The following PCDHA13 variants were observed in gnomAD, a reference collection of about 807,000 sequenced individuals.
PCDHA13 encodes protocadherin alpha-13.
PCDHA13 carries 54 observed loss-of-function variants against 64.8 expected under a neutral mutation model. The ratio of observed to expected loss-of-function variants is 0.83; its 90% CI spans 0.67 to 1.04. PCDHA13 has a LOEUF of 1.04. Ranked by LOEUF, PCDHA13 falls within the 50% of genes least tolerant of loss-of-function variation. PCDHA13 has a pLI of 0.00. For missense variants in PCDHA13, 1,248 were observed against 1,254.3 expected (o/e 0.99, Z 0.08); for synonymous variants, 587 against 564.4 (o/e 1.04, Z -0.57).
Position 140,927,102 on chromosome 5 carries a change from A to G in PCDHA13, c.2394+42440A>G, listed in dbSNP as rs144696843. 1.4e-5 allele frequency: 23 copies of G among 1,613,520 alleles called. No individual in the cohort carries two copies. In the African/African-American group the frequency reaches 1.7e-4, roughly 12 times the overall value. ...GCGAGCTCTACTTCGGGGTGGATCTACCCAGCGGCAATTTGGTGGTCAGAG... is the reference window on the plus strand; with the variant it reads ...GCGAGCTCTACTTCGGGGTGGATCTGCCCAGCGGCAATTTGGTGGTCAGAG... On this transcript the variant is annotated intron_variant, in intron 1 of 3. Transcript: ENST00000289272.
chr5:140,954,698 A>C (rs185399105), intron 1 of PCDHA13, among the ~76,000 whole-genome samples: 5 of 152,208 alleles, frequency 3.3e-5, no homozygotes, highest in African/African-American at 1.2e-4. Context: ...TAGACTACAA[A>C]ATTTTTCTCC....
At position 140,971,223 on chromosome 5, in the gene PCDHA13, C is replaced by T. The variant is rs904012820; in HGVS notation, c.2395-7726C>T. The stretch of plus-strand genomic sequence containing the variant: ...GACACTGTTACCCTCCCTCTCCTGA[C>T]TCAAAGCTTGGGGCAATTTGATACA... On this transcript the variant is annotated intron_variant, in intron 1 of 3. Transcript: ENST00000289272. Among the ~76,000 whole-genome samples, 3 of 152,148 alleles carry T rather than the reference C, an allele frequency of 2.0e-5. No homozygotes were observed. The South Asian group carries it at 6.2e-4, about 31-fold the overall frequency.
In PCDHA13 at chr5:140,882,291, G is replaced by A; in HGVS notation, c.23G>A (p.Gly8Asp). The change falls in exon 1 of 4, where the codon GGC becomes GAC. Residue 8 changes from glycine (G) to aspartate (D), a missense_variant. Gly to Asp is a moderately conservative substitution (Grantham distance 94). Transcript: ENST00000289272. Reference sequence around the variant, plus strand: ...ACCATGCTGTCTTCCTGGCAAGGAGGCCCAAGACCGCGGCAACTACTGCTC... The same window carrying A: ...ACCATGCTGTCTTCCTGGCAAGGAGACCCAAGACCGCGGCAACTACTGCTC... Reference protein sequence around the residue: MLSSWQGGPRPRQLLLWL... With the variant: MLSSWQGDPRPRQLLLWL... The A allele has an allele frequency of 6.2e-7, 1 of 1,613,650 alleles. No homozygotes were observed. Among genetic ancestry groups the A allele is most frequent in the Non-Finnish European group, 8.5e-7 (1 of 1,179,624 alleles).
intron 1 of PCDHA13, among the ~76,000 whole-genome samples, chr5:140,896,063 G>A (rs531616608): frequency 1.4e-3 from 217 of 152,130 alleles, no homozygotes; most frequent in African/African-American, 4.7e-3. Flanking sequence ...CGCCTGCCTC[G>A]GCCTCCCAAC....
chr5:140,889,434 G>T (rs1349291699), intron 1 of PCDHA13, among the ~76,000 whole-genome samples: 1 of 151,774 alleles, frequency 6.6e-6, no homozygotes, highest in African/African-American at 2.4e-5. Context: ...ATTTTTTCAG[G>T]TATTTTCCTG....
chr5:140,989,350 T>G (rs188962457), intron 3 of PCDHA13, among the ~76,000 whole-genome samples: 17 of 152,274 alleles, frequency 1.1e-4, no homozygotes, highest in African/African-American at 3.9e-4. Context: ...TCAAAGGTGA[T>G]AGGTCACCTG....
intron 1 of PCDHA13, among the ~76,000 whole-genome samples, chr5:140,896,543 T>C (rs2065615880): frequency 6.6e-6 from 1 of 151,466 alleles, no homozygotes; most frequent in Non-Finnish European, 1.5e-5. Flanking sequence ...TTTCTTTTTT[T>C]TTTTTGTATT....
At chr5:140,996,036 C>T (rs1324761666) in intron 3 of PCDHA13, among the ~76,000 whole-genome samples, 1 of 152,190 alleles carries the variant, frequency 6.6e-6, no homozygotes, top group Non-Finnish European at 1.5e-5. Context: ...GCTCCTAGCA[C>T]TTAACACAGT....
intron 1 of PCDHA13, chr5:140,968,816 G>A: frequency 6.2e-7 from 1 of 1,614,144 alleles, no homozygotes. Context: ...GGTGGATAGG[G>A]TTTCCAAAAT....
At chr5:140,889,240 T>C (rs782266675) in intron 1 of PCDHA13, among the ~76,000 whole-genome samples, 4 of 151,692 alleles carry the variant, frequency 2.6e-5, no homozygotes, top group Non-Finnish European at 4.4e-5. Context: ...TTCCAGAAAA[T>C]TTTCTGTTTC....
At chr5:140,935,134 T>G (rs1358918679) in intron 1 of PCDHA13, among the ~76,000 whole-genome samples, 1 of 152,210 alleles carries the variant, frequency 6.6e-6, no homozygotes. Context: ...TAGTGAAAGA[T>G]GATACTTAGA....
At position 140,982,508 on chromosome 5, in the gene PCDHA13, G is replaced by A. The variant is rs1586930589; in HGVS notation, c.2487G>A (p.Arg829=). The change falls in exon 3 of 4, where the codon CGG becomes CGA. Residue 829 remains arginine, a synonymous_variant. Transcript: ENST00000289272. The part of the protein sequence containing the change: ...SVHLEEAGIL[R]AGPGGPDQQW... The stretch of plus-strand genomic sequence containing the variant: ...ACCTAGAGGAGGCTGGCATTCTACG[G>A]GCTGGTCCAGGAGGGCCTGATCAGC... The A allele has an allele frequency of 6.2e-7, 1 of 1,614,154 alleles. No individual in the cohort carries two copies. Among genetic ancestry groups the A allele is most frequent in the Non-Finnish European group, 8.5e-7 (1 of 1,180,018 alleles).
intron 1 of PCDHA13, among the ~76,000 whole-genome samples, chr5:140,897,728 A>G (rs1554187548): frequency 6.6e-6 from 1 of 152,092 alleles, no homozygotes; most frequent in Non-Finnish European, 1.5e-5. Flanking sequence ...TGGGTCAAAT[A>G]GTATTTCTAG....
At chr5:140,977,978 G>A (rs1401757319) in intron 1 of PCDHA13, among the ~76,000 whole-genome samples, 2 of 152,048 alleles carry the variant, frequency 1.3e-5, no homozygotes, top group Non-Finnish European at 2.9e-5. Flanking sequence ...CCATGAAAAC[G>A]CATCTAGAGG....
At chr5:140,891,722 T>C (rs534881594) in intron 1 of PCDHA13, among the ~76,000 whole-genome samples, 1 of 152,292 alleles carries the variant, frequency 6.6e-6, no homozygotes, top group East Asian at 1.9e-4. Flanking sequence ...CAAATTCATG[T>C]GTTGAAAATT....
Position 140,882,225 on chromosome 5 carries a change from C to T in PCDHA13, c.-44C>T, listed in dbSNP as rs782533520. On this transcript the variant is annotated 5_prime_UTR_variant, in exon 1 of 4. Transcript: ENST00000289272. ...CCTTGAGAGACAGTTTGAGGTAAGGCGTTGTATATATTGCAGATAGCTCTG... is the reference window on the plus strand; with the variant it reads ...CCTTGAGAGACAGTTTGAGGTAAGGTGTTGTATATATTGCAGATAGCTCTG... 5.8e-6 allele frequency: 9 copies of T among 1,559,344 alleles called. No homozygotes were observed. The highest frequency in any genetic ancestry group is 1.7e-4 in the Middle Eastern group (1 of 5,806).
intron 3 of PCDHA13, among the ~76,000 whole-genome samples, chr5:141,004,051 A>G (rs2098149842): frequency 6.6e-6 from 1 of 152,240 alleles, no homozygotes; most frequent in East Asian, 1.9e-4. Flanking sequence ...ATTTGCTGAT[A>G]CTGGCCCCTG....
At chr5:140,979,937 A>G (rs563499415) in intron 2 of PCDHA13, among the ~76,000 whole-genome samples, 1 of 152,388 alleles carries the variant, frequency 6.6e-6, no homozygotes, top group African/African-American at 2.4e-5. Context: ...GTATGTGTAG[A>G]GTTAATGTGA....
chr5:141,005,701 C>CAAAA (rs59860837), intron 3 of PCDHA13, among the ~76,000 whole-genome samples: 118 of 7,756 alleles, frequency 0.015, 2 homozygotes, highest in East Asian at 0.044. Flanking sequence ...AACTCCGTCT[C>CAAAA]AAAAAAAAAA....
Sources: allele counts gnomAD v4.1 joint callset (sites outside exome capture counted in the v4.1 genomes callset), GRCh38; gene constraint gnomAD v4.1.1; transcripts MANE v1.5; gene names NCBI Gene and HGNC (gene_info 2026-07-23, HGNC 2026-07-21).